The following JAK1 variants were observed in gnomAD, a reference collection of about 807,000 sequenced individuals.
JAK1 encodes the protein tyrosine-protein kinase JAK1.
Under a neutral mutation model 136.6 loss-of-function variants are expected in JAK1, and 16 were observed. That is an observed-to-expected ratio of 0.12 (90% CI 0.08 to 0.18). The LOEUF is 0.18. JAK1 is among the 10% of genes least tolerant of loss of function. The pLI is 1.00. For synonymous variants in JAK1, 492 were observed against 519.5 expected, an observed-to-expected ratio of 0.95 and a Z score of 0.72; for missense variants, 859 against 1,450.1, an observed-to-expected ratio of 0.59 and a Z score of 6.62.
intron 2 of JAK1, chr1:64,989,364 TAAA>T (rs1557745821): frequency 6.7e-6 from 1 of 149,806 alleles, no homozygotes; most frequent in African/African-American, 2.5e-5. Context: ...AATAAATAAA[TAAA>T]TAAAATAAAC....
intron 1 of JAK1, among the ~76,000 whole-genome samples, chr1:64,945,831 C>A (rs1170377860): frequency 6.6e-6 from 1 of 151,956 alleles, no homozygotes; most frequent in Admixed American, 6.6e-5. Flanking sequence ...AGGGTTCAAG[C>A]CATCCTCTGG....
At position 64,867,164 on chromosome 1, in the gene JAK1, T is replaced by C; in HGVS notation, c.692A>G (p.Gln231Arg). 6.2e-7 allele frequency: 1 copy of C among 1,609,730 alleles called. No individual in the cohort carries two copies. The highest frequency in any genetic ancestry group is 8.5e-7 in the Non-Finnish European group (1 of 1,176,602). Residue 231 changes from glutamine to arginine, a missense_variant, in exon 7 of 25, where the codon CAG (glutamine) becomes CGG (arginine). By Grantham distance (43) the Gln-to-Arg change is conservative (BLOSUM62 1). Transcript: ENST00000342505. The stretch of plus-strand genomic sequence containing the variant: ...CCGCATCCTGGTGAGAAGGTTCCTC[T>C]GTCTGATGGACTTATTCAATGTTTC... ...IPETLNKSIR[Q>R]RNLLTRMRIN...
intron 1 of JAK1, among the ~76,000 whole-genome samples, chr1:64,906,168 C>T (rs912669542): frequency 2.6e-5 from 4 of 152,076 alleles, no homozygotes; most frequent in Admixed American, 2.6e-4. Context: ...GTGGTGCATG[C>T]CTGTAATCCC....
chr1:64,947,496 C>T (rs942072485), intron 1 of JAK1, among the ~76,000 whole-genome samples: 8 of 152,126 alleles, frequency 5.3e-5, no homozygotes, highest in African/African-American at 1.2e-4. Flanking sequence ...TGTGGCAGAA[C>T]ATAAGACCAA....
intron 2 of JAK1, among the ~76,000 whole-genome samples, chr1:64,994,324 C>A (rs1646683968): frequency 6.6e-6 from 1 of 152,224 alleles, no homozygotes; most frequent in Non-Finnish European, 1.5e-5. Flanking sequence ...TGCACTGTTG[C>A]AGCCCCCAGC....
intron 1 of JAK1, among the ~76,000 whole-genome samples, chr1:65,063,588 G>C (rs551225379): frequency 6.6e-6 from 1 of 152,108 alleles, no homozygotes; most frequent in Non-Finnish European, 1.5e-5. Context: ...TGGATCACCC[G>C]AGCTTAGGAG....
intron 1 of JAK1, among the ~76,000 whole-genome samples, chr1:64,944,959 C>T (rs1050146911): frequency 1.3e-5 from 2 of 152,000 alleles, no homozygotes. Context: ...CTGATTCTCC[C>T]CCGAGAAGCA....
chr1:64,936,803 G>A (rs958253515), intron 1 of JAK1, among the ~76,000 whole-genome samples: 5 of 152,254 alleles, frequency 3.3e-5, no homozygotes, highest in Non-Finnish European at 7.4e-5. Flanking sequence ...CTAAGCCAAC[G>A]TTTCTTTGAA....
chr1:64,898,239 G>C (rs2101442870), intron 1 of JAK1, among the ~76,000 whole-genome samples: 1 of 152,320 alleles, frequency 6.6e-6, no homozygotes, highest in South Asian at 2.1e-4. Context: ...ACATTCTGCT[G>C]CTGGTGACTC....
chr1:64,836,809 C>T (rs890609538), intron 22 of JAK1, among the ~76,000 whole-genome samples: 4 of 148,112 alleles, frequency 2.7e-5, no homozygotes, highest in South Asian at 2.1e-4. Flanking sequence ...CTCCCTGGCT[C>T]CAGACTCCCT....
rs771842565 is a variant in JAK1 at position 64,879,160 on chromosome 1, T to TA, written c.206-13dup. 6.8e-6 allele frequency: 11 copies of TA among 1,612,784 alleles called. No homozygotes were observed. In the Admixed American group the frequency reaches 8.4e-5, roughly 12 times the overall value. Reference sequence around the variant, plus strand: ...AAGAGGAGAGATACCTGAGGAAAAGTAAAAAAACACATCAGAAAATCAAGG... The same window carrying TA: ...AAGAGGAGAGATACCTGAGGAAAAGTAAAAAAAACACATCAGAAAATCAAGG... On this transcript the variant is annotated splice_polypyrimidine_tract_variant and intron_variant, in intron 3 of 24. Transcript: ENST00000342505.
intron 1 of JAK1, among the ~76,000 whole-genome samples, chr1:64,954,949 T>C (rs1273075400): frequency 6.6e-6 from 1 of 152,226 alleles, no homozygotes; most frequent in Non-Finnish European, 1.5e-5. Context: ...GAGAGATCAA[T>C]AACTTGCCCG....
At chr1:65,027,301 T>C (rs887365036) in intron 2 of JAK1, among the ~76,000 whole-genome samples, 2 of 151,836 alleles carry the variant, frequency 1.3e-5, no homozygotes. Flanking sequence ...GATCCGCCCA[T>C]CTCAGCCTCC....
chr1:64,852,797 C>T (rs1202838650), intron 11 of JAK1, among the ~76,000 whole-genome samples: 6 of 152,146 alleles, frequency 3.9e-5, no homozygotes, highest in Non-Finnish European at 8.8e-5. Context: ...AATGGGATGA[C>T]GCAAGGGAAC....
At chr1:64,929,719 A>C (rs1645654418) in intron 1 of JAK1, among the ~76,000 whole-genome samples, 2 of 152,204 alleles carry the variant, frequency 1.3e-5, no homozygotes, top group South Asian at 4.1e-4. Context: ...GTCTGAACTT[A>C]TAAGATTAAT....
intron 11 of JAK1, among the ~76,000 whole-genome samples, chr1:64,851,429 T>C (rs958558890): frequency 6.6e-6 from 1 of 152,136 alleles, no homozygotes; most frequent in Non-Finnish European, 1.5e-5. Context: ...CAGGGCATGA[T>C]GGGAACCAGA....
chr1:64,873,425 A>C lies in JAK1; in HGVS notation c.428T>G (p.Ile143Ser), dbSNP rs773719934. 6.2e-7 allele frequency: 1 copy of C among 1,614,186 alleles called. No homozygotes were observed. Among genetic ancestry groups the C allele is most frequent in the Non-Finnish European group, 8.5e-7 (1 of 1,180,030 alleles). ...ATCAAGGAGAGGGGTTGCATCTGGA[A>C]TCTTTTTTTTCTCGTAGCCATTTTT... is the stretch of plus-strand genomic sequence containing the variant. ...KQKNGYEKKK[I>S]PDATPLLDAS... Residue 143 changes from isoleucine (I) to serine (S), a missense_variant, in exon 5 of 25, where the codon ATT becomes AGT. Transcript: ENST00000342505.
At chr1:64,973,752 C>T (rs1450301541) in intron 2 of JAK1, 4 of 152,042 alleles carry the variant, frequency 2.6e-5, no homozygotes, top group Admixed American at 6.6e-5. Flanking sequence ...GAATCAGCTT[C>T]CATCTAAGGT....
chr1:65,003,504 C>A (rs1366476787), intron 2 of JAK1: 1 of 152,126 alleles, frequency 6.6e-6, no homozygotes, highest in African/African-American at 2.4e-5. Flanking sequence ...TGTTTATTAA[C>A]AATGATTGTG....
Sources: gnomAD v4.1 joint callset for allele counts (sites outside exome capture counted in the v4.1 genomes callset) on GRCh38, gnomAD v4.1.1 for gene constraint, MANE v1.5 for transcripts, NCBI Gene and HGNC (gene_info 2026-07-23, HGNC 2026-07-21) for gene names.